The following CNKSR2 variants were observed in gnomAD, a reference collection of about 807,000 sequenced individuals.
CNKSR2 encodes the protein CNK homolog protein 2.
In CNKSR2, 14 loss-of-function variants were observed where a neutral mutation model predicts 84.4. The ratio of observed to expected loss-of-function variants is 0.17; its 90% confidence interval spans 0.11 to 0.26. The LOEUF (loss-of-function observed/expected upper bound fraction) is 0.26, where lower values mean the gene tolerates loss of function less well. Ranked by LOEUF, CNKSR2 falls within the 10% of genes least tolerant of loss-of-function variation. The pLI, the probability that CNKSR2 is intolerant of heterozygous loss-of-function variation, is 1.00. For missense variants in CNKSR2, 485 were observed against 771.2 expected, an observed-to-expected ratio of 0.63 and a Z score of 4.40; for synonymous variants, 275 against 277.9, an observed-to-expected ratio of 0.99 and a Z score of 0.10.
At chrX:21,567,795 GGTGTGTGTGTGTGTGT>G (rs58020537) in intron 13 of CNKSR2, among the ~76,000 whole-genome samples, 11 of 90,138 alleles carry the variant, frequency 1.2e-4, no homozygotes, top group East Asian at 7.3e-4. Flanking sequence ...GTTTTTGTGT[GGTGTGTGTGTGTGTGT>G]GTGTGTGTGT....
chrX:21,461,190 A>G (rs2091057069), intron 4 of CNKSR2, among the ~76,000 whole-genome samples: 1 of 112,118 alleles, frequency 8.9e-6, no homozygotes, highest in Admixed American at 9.4e-5. Context: ...CCTCACCAGC[A>G]TTTGTTATTG....
At chrX:21,455,821 T>G (rs2090988803) in intron 4 of CNKSR2, among the ~76,000 whole-genome samples, 1 of 112,236 alleles carries the variant, frequency 8.9e-6, no homozygotes, top group South Asian at 3.7e-4. Context: ...GAACAAACTA[T>G]GTTTAGCTCC....
intron 17 of CNKSR2, among the ~76,000 whole-genome samples, chrX:21,600,140 G>A (rs1288688423): frequency 1.8e-5 from 2 of 111,628 alleles, no homozygotes; most frequent in African/African-American, 3.3e-5. Context: ...CCATAGATGC[G>A]ATTTTGTCTA....
At chrX:21,620,570 G>A (rs764981276) in intron 20 of CNKSR2, among the ~76,000 whole-genome samples, 2 of 110,352 alleles carry the variant, frequency 1.8e-5, no homozygotes, top group Non-Finnish European at 3.8e-5. Flanking sequence ...TTAAAGACTC[G>A]GAACTCCCGC....
intron 18 of CNKSR2, 82 bp downstream of exon 18, chrX:21,601,431 T>C (rs2092481709): frequency 1.7e-6 from 1 of 584,976 alleles, no homozygotes; most frequent in African/African-American, 2.3e-5. Flanking sequence ...TGCTATCACT[T>C]GAGAGAAAAT....
chrX:21,582,175 A>T (rs2092357634), intron 13 of CNKSR2, among the ~76,000 whole-genome samples: 1 of 112,044 alleles, frequency 8.9e-6, no homozygotes, highest in African/African-American at 3.2e-5. Flanking sequence ...TGTTATTATA[A>T]GCGGTTGCCC....
At chrX:21,513,860 T>C (rs1205407515) in intron 8 of CNKSR2, among the ~76,000 whole-genome samples, 1 of 111,955 alleles carries the variant, frequency 8.9e-6, no homozygotes, top group African/African-American at 3.2e-5. Context: ...GATTAGGTAA[T>C]TCATAAAATT....
chrX:21,374,594 GGCAGCAGCAGCA>G lies in CNKSR2; in HGVS notation c.-277_-266del, dbSNP rs3217648. ...ACGGAGACCGGAGCGGAGCGGCGGA[GGCAGCAGCAGCA>G]GCAGCAGCAGCAGCAGCAGCAGCAG... is the stretch of plus-strand genomic sequence containing the variant. On this transcript the variant is annotated 5_prime_UTR_variant, in exon 1 of 22. Coordinates refer to ENST00000379510, the MANE Select transcript of CNKSR2 (RefSeq NM_014927.5). 4.1e-4 allele frequency: 186 copies of G among 456,265 alleles called. No individual in the cohort carries two copies. Among genetic ancestry groups the G allele is most frequent in the African/African-American group, 3.4e-3 (129 of 38,451 alleles). The allele number at this position is 456,265 out of a possible 1,213,427, so 37.6% of individuals were successfully genotyped here. A position where few individuals can be genotyped will look rare whatever the true frequency, so the allele number is the denominator to read the frequency against.
In CNKSR2 at chrX:21,374,630, AGCC is replaced by A. The variant is rs76791548; in HGVS notation, c.-252_-250del. 1.4e-4 allele frequency: 60 copies of A among 444,429 alleles called. No homozygotes were observed. Among genetic ancestry groups the A allele is most frequent in the African/African-American group, 6.9e-4 (24 of 34,715 alleles). 36.6% of individuals were successfully genotyped at this position (444,429 alleles called of 1,213,427 possible). A position where few individuals can be genotyped will look rare whatever the true frequency, so the allele number is the denominator to read the frequency against. On this transcript the variant is annotated 5_prime_UTR_variant, in exon 1 of 22. Coordinates refer to ENST00000379510, the MANE Select transcript of CNKSR2 (RefSeq NM_014927.5). ...CAGCAGCAGCAGCAGCAGCAGCAGC[AGCC>A]GCCGCCGCCGCCGCCTTAGCGGGAA...
chrX:21,528,601 A>G (rs2091857261), intron 10 of CNKSR2, among the ~76,000 whole-genome samples: 1 of 111,129 alleles, frequency 9.0e-6, no homozygotes, highest in Non-Finnish European at 1.9e-5. Context: ...ATTGAAGCCA[A>G]TAAAAAGCTT....
chrX:21,649,962 T>C (rs2092716549), intron 21 of CNKSR2, among the ~76,000 whole-genome samples: 1 of 111,865 alleles, frequency 8.9e-6, no homozygotes, highest in Non-Finnish European at 1.9e-5. Context: ...TAGGAACTCT[T>C]TTACACTGCT....
rs182312022 is a variant in CNKSR2, at chrX:21,641,932, C to A, written c.2693-6899C>A. The stretch of plus-strand genomic sequence containing the variant: ...AGAACAGAAGGGGAAAGGGTCTTAA[C>A]TGGGAAAGGGCTCTGTGTGGTAACA... On this transcript the variant is annotated intron_variant, in intron 20 of 21. Transcript: ENST00000379510. 212 of 783,831 alleles carry A rather than the reference C, an allele frequency of 2.7e-4. No homozygotes were observed. In the African/African-American group the frequency reaches 4.5e-3, roughly 17 times the overall value. 64.6% of individuals were successfully genotyped at this position (783,831 alleles called of 1,213,427 possible).
At chrX:21,482,623 A>G (rs1211477808) in intron 5 of CNKSR2, among the ~76,000 whole-genome samples, 1 of 112,269 alleles carries the variant, frequency 8.9e-6, no homozygotes, top group African/African-American at 3.2e-5. Flanking sequence ...TTTAACGCAT[A>G]ATAGGCTGTT....
chrX:21,490,716 A>G, intron 6 of CNKSR2, 138 bp downstream of exon 6: 2 of 573,882 alleles, frequency 3.5e-6, no homozygotes, highest in Non-Finnish European at 4.9e-6. Flanking sequence ...TGGAGGAGTT[A>G]TGGTAGTGGA....
At chrX:21,536,075 A>G (rs1334298869) in intron 11 of CNKSR2, among the ~76,000 whole-genome samples, 1 of 110,791 alleles carries the variant, frequency 9.0e-6, no homozygotes, top group Non-Finnish European at 1.9e-5. Context: ...TCATGAAGGG[A>G]TGTTGAATGT....
At chrX:21,593,095 A>C (rs933566268) in intron 15 of CNKSR2, 1 of 111,137 alleles carries the variant, frequency 9.0e-6, no homozygotes, top group Non-Finnish European at 1.9e-5. Flanking sequence ...TATTTTTAGG[A>C]GAAATGTAAA....
intron 2 of CNKSR2, among the ~76,000 whole-genome samples, chrX:21,430,171 T>G (rs1469459004): frequency 9.0e-6 from 1 of 111,625 alleles, no homozygotes; most frequent in Non-Finnish European, 1.9e-5. Flanking sequence ...CTCTACATTT[T>G]TCACCTCTAT....
chrX:21,469,556 T>G (rs1293767507), intron 4 of CNKSR2, among the ~76,000 whole-genome samples: 1 of 111,107 alleles, frequency 9.0e-6, no homozygotes, highest in Non-Finnish European at 1.9e-5. Context: ...TGTTTTTTTT[T>G]TCAAAATTAT....
At chrX:21,527,161 G>A (rs1454214756) in intron 10 of CNKSR2, among the ~76,000 whole-genome samples, 161 bp downstream of exon 10, 2 of 110,683 alleles carry the variant, frequency 1.8e-5, no homozygotes, top group East Asian at 5.6e-4. Flanking sequence ...GAGCATGCAT[G>A]TTTATTAATA....
Sources: allele counts gnomAD v4.1 joint callset (sites outside exome capture counted in the v4.1 genomes callset), GRCh38; gene constraint gnomAD v4.1.1; transcripts MANE v1.5; gene names NCBI Gene and HGNC (gene_info 2026-07-23, HGNC 2026-07-21).